The following MID1 variants were observed in gnomAD, a reference collection of about 807,000 sequenced individuals.
MID1 encodes the protein midline 1, also known as E3 ubiquitin-protein ligase Midline-1.
A neutral mutation model predicts 40.4 loss-of-function variants in MID1; 7 were observed. That is an observed-to-expected ratio of 0.17 (90% CI 0.10 to 0.33). The LOEUF is 0.33. Among genes scored for constraint, MID1 ranks in the 10% least tolerant of loss-of-function variants. The pLI is 1.00. For missense variants in MID1, 367 were observed against 558.5 expected (o/e 0.66, Z 3.46); for synonymous variants, 229 against 221.2 (o/e 1.04, Z -0.31).
chrX:10,820,962 G>A (rs777698815), intron 1 of MID1, among the ~76,000 whole-genome samples: 12 of 112,004 alleles, frequency 1.1e-4, no homozygotes, highest in Non-Finnish European at 2.1e-4. Flanking sequence ...AAGTTATTAT[G>A]AGCAAAATCA....
chrX:10,523,590 T>G (rs1384935267), intron 2 of MID1, among the ~76,000 whole-genome samples: 1 of 112,433 alleles, frequency 8.9e-6, no homozygotes, highest in Non-Finnish European at 1.9e-5. Context: ...AGATTTATCC[T>G]TTTATGGGCA....
chrX:10,535,884 A>C, intron 2 of MID1, among the ~76,000 whole-genome samples: 1 of 111,579 alleles, frequency 9.0e-6, no homozygotes, highest in Non-Finnish European at 1.9e-5. Flanking sequence ...TGTAGTCTAA[A>C]AGGTAAATTG....
chrX:10,826,965 T>C (rs2044220462), intron 1 of MID1, among the ~76,000 whole-genome samples: 1 of 111,895 alleles, frequency 8.9e-6, no homozygotes, highest in Admixed American at 9.5e-5. Context: ...TCCCTTTCCT[T>C]GTCCCATCTT....
upstream of MID1, among the ~76,000 whole-genome samples, chrX:10,623,272 G>T (rs1419696275): frequency 6.4e-5 from 6 of 94,431 alleles, no homozygotes; most frequent in African/African-American, 2.6e-4. Context: ...AATAAAGAAA[G>T]GAAAGAAAGA....
chrX:10,695,245 C>T (rs1307345767), intron 1 of MID1, among the ~76,000 whole-genome samples: 1 of 111,697 alleles, frequency 9.0e-6, no homozygotes, highest in East Asian at 2.8e-4. Flanking sequence ...CTACCTCAGC[C>T]TCCCGAGTAG....
intron 1 of MID1, among the ~76,000 whole-genome samples, chrX:10,593,341 G>A (rs979287003): frequency 2.7e-5 from 3 of 111,987 alleles, no homozygotes; most frequent in Non-Finnish European, 5.6e-5. Flanking sequence ...AAGCACTAGT[G>A]TTTAGTTTCC....
At chrX:10,808,897 C>T (rs946805069) in intron 1 of MID1, among the ~76,000 whole-genome samples, 6 of 111,962 alleles carry the variant, frequency 5.4e-5, no homozygotes, top group Non-Finnish European at 1.1e-4. Flanking sequence ...ACACCAAAAG[C>T]AATGGCAACA....
At chrX:10,828,043 T>C (rs190713406) in intron 1 of MID1, among the ~76,000 whole-genome samples, 1 of 111,940 alleles carries the variant, frequency 8.9e-6, no homozygotes, top group East Asian at 2.8e-4. Flanking sequence ...TAGCATAAAA[T>C]ATTTAAATGC....
chrX:10,669,091 C>T (rs951668549), intron 1 of MID1, among the ~76,000 whole-genome samples: 2 of 106,334 alleles, frequency 1.9e-5, no homozygotes, highest in Non-Finnish European at 3.9e-5. Flanking sequence ...CGGTGGCGGG[C>T]GCCTGTAGTC....
chrX:10,561,315 T>C (rs1322768915), intron 2 of MID1, among the ~76,000 whole-genome samples: 1 of 106,192 alleles, frequency 9.4e-6, no homozygotes, highest in Non-Finnish European at 1.9e-5. Context: ...TGGGCAAGGA[T>C]CTCATGACTA....
chrX:10,823,671 G>T (rs890211217), intron 1 of MID1, among the ~76,000 whole-genome samples: 8 of 110,141 alleles, frequency 7.3e-5, no homozygotes, highest in African/African-American at 2.6e-4. Context: ...TAAATAAAAT[G>T]TACATAGAAA....
chrX:10,469,986 T>C, intron 6 of MID1, 146 bp from the exon 7 acceptor site: 1 of 524,138 alleles, frequency 1.9e-6, no homozygotes. Context: ...ATCTAAAGAA[T>C]ATCTGATTGG....
intron 3 of MID1, among the ~76,000 whole-genome samples, chrX:10,511,924 G>A (rs1440387212): frequency 1.8e-5 from 2 of 112,136 alleles, no homozygotes; most frequent in African/African-American, 6.5e-5. Context: ...CAAAGTTTGT[G>A]TTAAGTACTT....
chrX:10,504,852 A>G (rs1270184689), intron 3 of MID1, among the ~76,000 whole-genome samples: 2 of 110,335 alleles, frequency 1.8e-5, no homozygotes, highest in Non-Finnish European at 1.9e-5. Context: ...CTGCTATTGT[A>G]GTGTGAAAGC....
chrX:10,513,824 A>T (rs974432943), intron 3 of MID1, among the ~76,000 whole-genome samples: 13 of 112,170 alleles, frequency 1.2e-4, no homozygotes, highest in Non-Finnish European at 1.9e-4. Context: ...TGGCTATTTT[A>T]AAAAATGTAT....
At chrX:10,663,057 G>T (rs2042926520) in intron 1 of MID1, among the ~76,000 whole-genome samples, 1 of 111,809 alleles carries the variant, frequency 8.9e-6, no homozygotes, top group South Asian at 3.7e-4. Context: ...AAAGCATTTT[G>T]TGAGTGACCT....
intron 1 of MID1, among the ~76,000 whole-genome samples, chrX:10,763,629 T>A (rs1017188845): frequency 8.9e-6 from 1 of 111,741 alleles, no homozygotes; most frequent in Admixed American, 9.5e-5. Flanking sequence ...TAAACATATG[T>A]GTGCATGTGT....
chrX:10,526,710 A>T (rs1206582084), intron 2 of MID1, among the ~76,000 whole-genome samples: 1 of 112,031 alleles, frequency 8.9e-6, no homozygotes, highest in Non-Finnish European at 1.9e-5. Flanking sequence ...GTTTTTAATC[A>T]ACTAATACAT....
In MID1 at chrX:10,824,948, A is replaced by C. The variant is rs533486844; in HGVS notation, c.-187+8606T>G. 1.3e-4 allele frequency among the ~76,000 whole-genome samples: 14 copies of C among 111,488 alleles called. No individual in the cohort carries two copies. The South Asian group carries it at 5.0e-3, about 39-fold the overall frequency. The stretch of plus-strand genomic sequence containing the variant: ...TCTCAATCTTCCACCCAAACATTAC[A>C]CAAGTGAAATGACAAAATGGGTTGC... On this transcript the variant is annotated intron_variant, in intron 1 of 10. Transcript: ENST00000380785.
Sources: allele counts gnomAD v4.1 joint callset (sites outside exome capture counted in the v4.1 genomes callset), GRCh38; gene constraint gnomAD v4.1.1; transcripts MANE v1.5; gene names NCBI Gene and HGNC (gene_info 2026-07-23, HGNC 2026-07-21).